EIF3A: variants seen among roughly 807,000 people sequenced by gnomAD.
EIF3A encodes the protein eukaryotic translation initiation factor 3 subunit A.
Under a neutral mutation model 186.6 loss-of-function variants are expected in EIF3A, and 21 were observed. The observed-to-expected ratio is 0.11, with a 90% CI of 0.08 to 0.16. The LOEUF (loss-of-function observed/expected upper bound fraction) is 0.16. Ranked by LOEUF, EIF3A falls within the 10% of genes least tolerant of loss-of-function variation. The pLI is 1.00. For missense variants in EIF3A, 1,306 were observed against 1,796.3 expected, an observed-to-expected ratio of 0.73 and a Z score of 4.93; for synonymous variants, 563 against 584.3, an observed-to-expected ratio of 0.96 and a Z score of 0.52.
chr10:119,075,244 G>A (rs1199984565), intron 1 of EIF3A, among the ~76,000 whole-genome samples: 1 of 151,898 alleles, frequency 6.6e-6, no homozygotes, highest in Non-Finnish European at 1.5e-5. Context: ...ACAGGCATGG[G>A]TCACCATGCC....
intron 1 of EIF3A, 186 bp downstream of exon 1, chr10:119,080,442 G>A: frequency 1.0e-6 from 1 of 985,426 alleles, no homozygotes; most frequent in African/African-American, 1.7e-5. Context: ...GCGCCTCCCA[G>A]ACCCCAGTCG....
At position 119,042,067 on chromosome 10, in the gene EIF3A, A is replaced by G; in HGVS notation, c.3453T>C (p.Arg1151=). Residue 1151 remains arginine, a synonymous_variant, in exon 19 of 22, where the codon CGT becomes CGC. Transcript: ENST00000369144. This position sits in a 1 kb window ranked among gnomAD's most constrained non-coding sequence, Gnocchi z 7.8. ...RNMDDDRLSR[R]ADDDRFPRRG... The stretch of plus-strand genomic sequence containing the variant: ...GTCTGGGAAACCGATCATCATCAGC[A>G]CGTCTTGAAAGGCGATCATCATCCA... 1 of 1,614,082 alleles carries G rather than the reference A, an allele frequency of 6.2e-7. No individual in the cohort carries two copies. Among genetic ancestry groups the G allele is most frequent in the Non-Finnish European group, 8.5e-7 (1 of 1,179,976 alleles).
intron 7 of EIF3A, among the ~76,000 whole-genome samples, chr10:119,064,571 C>G (rs965882771): frequency 1.3e-5 from 2 of 152,184 alleles, no homozygotes; most frequent in African/African-American, 4.8e-5. Flanking sequence ...ACCTGCTTCC[C>G]GTTCCCCTTC....
intron 1 of EIF3A, 196 bp downstream of exon 1, chr10:119,080,432 G>C: frequency 1.0e-6 from 1 of 985,458 alleles, no homozygotes; most frequent in Non-Finnish European, 1.2e-6. Flanking sequence ...TCCGGGCTAC[G>C]CGCCTCCCAG....
At chr10:119,059,546 A>G (rs1589691334) in intron 10 of EIF3A, 56 bp downstream of exon 10, 4 of 1,415,854 alleles carry the variant, frequency 2.8e-6, no homozygotes, top group Admixed American at 3.5e-5. Flanking sequence ...AACAGAAGGT[A>G]TGTGTCTTTC....
At chr10:119,039,872 T>C (rs1848184715) in intron 19 of EIF3A, among the ~76,000 whole-genome samples, 1 of 152,160 alleles carries the variant, frequency 6.6e-6, no homozygotes, top group Non-Finnish European at 1.5e-5. Flanking sequence ...ATTTTATGTA[T>C]TGATTGGTTG....
chr10:119,065,248 A>C, intron 7 of EIF3A, 151 bp downstream of exon 7: 1 of 600,250 alleles, frequency 1.7e-6, no homozygotes, highest in Admixed American at 3.0e-5. Flanking sequence ...GAACTGCCTC[A>C]AGTGAACAGT....
intron 6 of EIF3A, among the ~76,000 whole-genome samples, chr10:119,065,912 C>T (rs184841720): frequency 1.9e-4 from 29 of 150,892 alleles, no homozygotes; most frequent in South Asian, 8.5e-4. Context: ...GTCAAGAGAT[C>T]GAGACCATCC....
chr10:119,059,338 A>T lies in EIF3A; in HGVS notation c.1503T>A (p.Thr501=), dbSNP rs773682667. 1 of 1,612,900 alleles carries T rather than the reference A, an allele frequency of 6.2e-7. No individual in the cohort carries two copies. Among genetic ancestry groups the T allele is most frequent in the South Asian group, 1.1e-5 (1 of 90,824 alleles). The part of the protein sequence containing the change: ...LSFGSDLNYA[T]REDAPIGPHL... ...GAGGACCAATCGGAGCATCTTCTCG[A>T]GTAGCATAATTCAAATCAGATCCAA... The change falls in exon 11 of 22, where the codon ACT becomes ACA. Residue 501 remains threonine, a synonymous_variant. Transcript: ENST00000369144.
chr10:119,046,048 ATT>A (rs1848279645), intron 17 of EIF3A, among the ~76,000 whole-genome samples: 1 of 152,222 alleles, frequency 6.6e-6, no homozygotes, highest in South Asian at 2.1e-4. Flanking sequence ...AATTAAGTAG[ATT>A]TTTGTCTGCT....
intron 17 of EIF3A, among the ~76,000 whole-genome samples, chr10:119,047,288 G>C (rs997708210): frequency 6.6e-6 from 1 of 151,992 alleles, no homozygotes; most frequent in Non-Finnish European, 1.5e-5. Context: ...CACACAAAAA[G>C]AACCTAGAAA....
intron 4 of EIF3A, 109 bp downstream of exon 4, chr10:119,072,781 C>T: frequency 7.5e-7 from 1 of 1,338,528 alleles, no homozygotes. Flanking sequence ...CATGTGAATG[C>T]CAACATTTCA....
At chr10:119,040,858 T>C (rs1261276543) in intron 19 of EIF3A, among the ~76,000 whole-genome samples, 2 of 151,724 alleles carry the variant, frequency 1.3e-5, no homozygotes, top group Non-Finnish European at 2.9e-5. Context: ...TACAAAAAAT[T>C]AGCCAGGCAT....
chr10:119,040,960 C>T (rs1480647237), intron 19 of EIF3A, among the ~76,000 whole-genome samples: 12 of 144,886 alleles, frequency 8.3e-5, no homozygotes, highest in African/African-American at 3.1e-4. Flanking sequence ...GAGGGGAGAT[C>T]GCGCCACTGC....
intron 1 of EIF3A, among the ~76,000 whole-genome samples, chr10:119,074,919 A>G (rs1479934386): frequency 4.7e-5 from 1 of 21,264 alleles, no homozygotes; most frequent in African/African-American, 1.4e-4. Context: ...ACTCCAACTC[A>G]AAAAAAAAAA....
chr10:119,073,859 C>A lies in EIF3A; in HGVS notation c.128G>T (p.Trp43Leu). The change falls in exon 2 of 22, where the codon TGG becomes TTG. Residue 43 changes from tryptophan (W) to leucine (L), a missense_variant. By Grantham distance (61) the Trp-to-Leu change is moderately conservative. Transcript: ENST00000369144. The stretch of plus-strand genomic sequence containing the variant: ...CATAATTGGTTCGTGTATCTTTTGC[C>A]ATGTTCTATGTTTTTTACTTTTCAT... ...DVMKSKKHRT[W>L]QKIHEPIMLK... The A allele has an allele frequency of 6.2e-7, 1 of 1,613,574 alleles. No homozygotes were observed. Among genetic ancestry groups the A allele is most frequent in the Middle Eastern group, 1.7e-4 (1 of 6,060 alleles).
intron 10 of EIF3A, 59 bp from the exon 11 acceptor site, chr10:119,059,456 A>G (rs1026232610): frequency 2.2e-6 from 3 of 1,358,238 alleles, no homozygotes; most frequent in African/African-American, 2.9e-5. Context: ...TCAAAAAGTA[A>G]CAGAAGAATG....
intron 14 of EIF3A, among the ~76,000 whole-genome samples, chr10:119,053,325 C>CT (rs1220583653): frequency 6.6e-6 from 1 of 152,098 alleles, no homozygotes; most frequent in Non-Finnish European, 1.5e-5. Context: ...TGAGCATACC[C>CT]TTTGATGCTC....
At chr10:119,063,230 A>C (rs756185174) in intron 7 of EIF3A, among the ~76,000 whole-genome samples, 1 of 152,204 alleles carries the variant, frequency 6.6e-6, no homozygotes, top group Non-Finnish European at 1.5e-5. Context: ...CCATAAACAG[A>C]AAGTTGAACT....
Sources: gnomAD v4.1 joint callset for allele counts (sites outside exome capture counted in the v4.1 genomes callset) on GRCh38, gnomAD v4.1.1 for gene constraint, Gnocchi (gnomAD v3.1) non-coding constraint, MANE v1.5 for transcripts, NCBI Gene and HGNC (gene_info 2026-07-23, HGNC 2026-07-21) for gene names.